The following CNBD1 variants were observed in gnomAD, a reference collection of about 807,000 sequenced individuals.
CNBD1 encodes cyclic nucleotide-binding domain-containing protein 1.
In CNBD1, 71 loss-of-function variants were observed where a neutral mutation model predicts 54.4. That is an observed-to-expected ratio of 1.30 (90% CI 1.08 to 1.59). CNBD1 has a LOEUF of 1.59. CNBD1 is among the 40% of genes most tolerant of loss of function. The pLI, the probability that CNBD1 is intolerant of heterozygous loss-of-function variation, is 0.00. For synonymous variants in CNBD1, 182 were observed against 170.7 expected (o/e 1.07, Z -0.51); for missense variants, 659 against 518.0 (o/e 1.27, Z -2.64).
At chr8:87,153,268 T>A (rs1812644922) in intron 4 of CNBD1, among the ~76,000 whole-genome samples, 1 of 152,204 alleles carries the variant, frequency 6.6e-6, no homozygotes, top group African/African-American at 2.4e-5. Flanking sequence ...TATTTTGCTC[T>A]CTGAAGAAAT....
intron 4 of CNBD1, among the ~76,000 whole-genome samples, chr8:87,030,901 C>T (rs1319003069): frequency 6.7e-5 from 5 of 74,812 alleles, no homozygotes; most frequent in Admixed American, 1.6e-4. Context: ...CCCTCTCCTC[C>T]CCACCTCCTC....
At chr8:87,117,103 A>G (rs770332729) in intron 4 of CNBD1, among the ~76,000 whole-genome samples, 3 of 152,120 alleles carry the variant, frequency 2.0e-5, no homozygotes, top group Non-Finnish European at 4.4e-5. Context: ...AACATCATTT[A>G]TAAGAACCAC....
At chr8:87,310,819 A>T (rs1181432862) in intron 8 of CNBD1, among the ~76,000 whole-genome samples, 1 of 152,170 alleles carries the variant, frequency 6.6e-6, no homozygotes, top group Non-Finnish European at 1.5e-5. Flanking sequence ...GAACCTAGAA[A>T]ATAAGCTACA....
chr8:86,977,572 G>C (rs901021222), intron 4 of CNBD1, among the ~76,000 whole-genome samples: 2 of 152,040 alleles, frequency 1.3e-5, no homozygotes, highest in Non-Finnish European at 2.9e-5. Context: ...GAAGTAAAGA[G>C]AATTAATTTA....
chr8:87,298,578 G>T (rs77953535), intron 8 of CNBD1, among the ~76,000 whole-genome samples: 1 of 149,160 alleles, frequency 6.7e-6, no homozygotes, highest in Admixed American at 6.8e-5. Context: ...TACACCTCCC[G>T]GGTTCAAGTC....
chr8:87,396,081 A>G (rs901686677), intron 2 of CNBD1, among the ~76,000 whole-genome samples: 3 of 151,948 alleles, frequency 2.0e-5, no homozygotes, highest in African/African-American at 7.2e-5. Flanking sequence ...GCAGAGTGAG[A>G]AATGACTAAT....
chr8:87,103,029 T>A (rs1365663366), intron 4 of CNBD1, among the ~76,000 whole-genome samples: 1 of 152,188 alleles, frequency 6.6e-6, no homozygotes, highest in East Asian at 1.9e-4. Flanking sequence ...TAGCGTTTAC[T>A]AAGATAGAAT....
At chr8:87,337,204 A>T (rs1809961082) in intron 8 of CNBD1, among the ~76,000 whole-genome samples, 1 of 152,106 alleles carries the variant, frequency 6.6e-6, no homozygotes. Context: ...GGACCCATTT[A>T]ACAAGGCACT....
chr8:87,157,785 AT>A (rs1052242788), intron 4 of CNBD1, among the ~76,000 whole-genome samples: 6 of 152,122 alleles, frequency 3.9e-5, no homozygotes, highest in African/African-American at 1.2e-4. Flanking sequence ...ACATTTGCCT[AT>A]TTTTTTCTTT....
chr8:87,249,208 A>G (rs1807865165), intron 6 of CNBD1, among the ~76,000 whole-genome samples: 1 of 152,078 alleles, frequency 6.6e-6, no homozygotes, highest in Non-Finnish European at 1.5e-5. Context: ...GGAGCACACA[A>G]CCTAGATCCC....
At chr8:87,305,196 A>C in intron 8 of CNBD1, among the ~76,000 whole-genome samples, 1 of 152,242 alleles carries the variant, frequency 6.6e-6, no homozygotes, top group East Asian at 1.9e-4. Flanking sequence ...AATATACCTA[A>C]CCAAGAAGTT....
At chr8:86,919,646 G>A (rs1809240638) in intron 3 of CNBD1, among the ~76,000 whole-genome samples, 1 of 152,146 alleles carries the variant, frequency 6.6e-6, no homozygotes, top group African/African-American at 2.4e-5. Context: ...GGAACTCAAA[G>A]TACTGAGACA....
At position 87,036,377 on chromosome 8, in the gene CNBD1, G is replaced by A. The variant is rs1022697067; in HGVS notation, c.431+96623G>A. 1.6e-3 allele frequency among the ~76,000 whole-genome samples: 248 copies of A among 152,092 alleles called. 2 individuals are homozygous for A. The highest frequency in any genetic ancestry group is 7.2e-4 in the Non-Finnish European group (49 of 67,972). On this transcript the variant is annotated intron_variant, in intron 4 of 10. Transcript: ENST00000518476. ...TGGGAGGCCGAGGCGGGCGGATCAC[G>A]AGGTCAGGAGATCGAGACCATCCTG...
At chr8:87,205,255 A>C (rs921213713) in intron 4 of CNBD1, among the ~76,000 whole-genome samples, 2 of 152,090 alleles carry the variant, frequency 1.3e-5, no homozygotes, top group African/African-American at 4.8e-5. Flanking sequence ...GATAGTCTTG[A>C]TCTCCTGACC....
intron 4 of CNBD1, among the ~76,000 whole-genome samples, chr8:87,104,850 T>C (rs887110090): frequency 3.3e-5 from 5 of 152,232 alleles, no homozygotes; most frequent in Non-Finnish European, 4.4e-5. Context: ...ATTTACAAAA[T>C]AGAAATCATT....
chr8:86,883,669 T>C (rs1214365448), intron 1 of CNBD1, among the ~76,000 whole-genome samples: 1 of 151,838 alleles, frequency 6.6e-6, no homozygotes, highest in Non-Finnish European at 1.5e-5. Flanking sequence ...TGAAAGGAGG[T>C]TATTTGACTA....
chr8:86,869,180 T>A lies in CNBD1; in HGVS notation c.88+2597T>A, dbSNP rs183163080. Among the ~76,000 whole-genome samples, 1,080 of 152,316 alleles carry A rather than the reference T, an allele frequency of 7.1e-3. 3 individuals are homozygous for A. The highest frequency in any genetic ancestry group is 0.012 in the Non-Finnish European group (790 of 68,022). The stretch of plus-strand genomic sequence containing the variant: ...ACTGTTAGATAATACGTTTTTATTT[T>A]TTTAAGCCACTAAGGCAGTGGCAAT... On this transcript the variant is annotated intron_variant, in intron 1 of 10. Coordinates refer to ENST00000518476, the MANE Select transcript of CNBD1 (RefSeq NM_173538.3).
intron 6 of CNBD1, among the ~76,000 whole-genome samples, chr8:87,237,419 G>A (rs1040068618): frequency 1.2e-4 from 19 of 152,182 alleles, no homozygotes; most frequent in African/African-American, 4.3e-4. Flanking sequence ...GAGGGAATAG[G>A]TGATTTGAGG....
Position 86,939,734 on chromosome 8 carries a change from C to T in CNBD1, c.411C>T (p.Phe137=). ...GAGCCACAGAGAAATTTGAAGAATT[C>T]CTAGCTATCTTAAAGAAATTGTAAG... ...PKRATEKFEE[F]LAILKKLPIH... The change falls in exon 4 of 11, where the codon TTC becomes TTT. Residue 137 remains phenylalanine, a synonymous_variant. Transcript: ENST00000518476. 2 of 1,567,784 alleles carry T rather than the reference C, an allele frequency of 1.3e-6. No homozygotes were observed. The highest frequency in any genetic ancestry group is 1.4e-5 in the African/African-American group (1 of 72,870).
Sources: allele counts gnomAD v4.1 joint callset (sites outside exome capture counted in the v4.1 genomes callset), GRCh38; gene constraint gnomAD v4.1.1; transcripts MANE v1.5; gene names NCBI Gene and HGNC (gene_info 2026-07-23, HGNC 2026-07-21).